METTL4: variants seen among roughly 807,000 people sequenced by gnomAD.
The protein encoded by METTL4 is N(6)-adenine-specific methyltransferase METTL4.
Under a neutral mutation model 54.0 loss-of-function variants are expected in METTL4, and 40 were observed. The ratio of observed to expected loss-of-function variants is 0.74; its 90% confidence interval spans 0.58 to 0.96. The LOEUF (loss-of-function observed/expected upper bound fraction) is 0.96. Ranked by LOEUF, METTL4 falls within the 50% of genes least tolerant of loss-of-function variation. The pLI, the probability that METTL4 is intolerant of heterozygous loss-of-function variation, is 0.00. For missense variants in METTL4, 525 were observed against 549.0 expected, an observed-to-expected ratio of 0.96 and a Z score of 0.44; for synonymous variants, 169 against 183.8, an observed-to-expected ratio of 0.92 and a Z score of 0.65.
Position 2,566,993 on chromosome 18 carries a change from T to A in METTL4, c.224A>T (p.Asp75Val), listed in dbSNP as rs1269683527. The A allele has an allele frequency of 3.7e-6, 6 of 1,614,046 alleles. No homozygotes were observed. Among genetic ancestry groups the A allele is most frequent in the Non-Finnish European group, 5.1e-6 (6 of 1,180,028 alleles). The change falls in exon 2 of 9, where the codon GAT (aspartate) becomes GTT (valine). Residue 75 changes from aspartate to valine, a missense_variant. Asp to Val is a radical substitution (Grantham distance 152). Coordinates refer to ENST00000574538, the MANE Select transcript of METTL4 (RefSeq NM_022840.5). ...TGTGAACATTTCATAATTTCCTCCA[T>A]CATCATTCTCTGGCTTAGTGGAAGA... Reference protein sequence around the residue: ...SDSSTKPENDDGGNYEMFTRK... With the variant: ...SDSSTKPENDVGGNYEMFTRK...
At chr18:2,552,629 T>C in intron 5 of METTL4, 66 bp downstream of exon 5, 2 of 989,328 alleles carry the variant, frequency 2.0e-6, no homozygotes, top group Non-Finnish European at 3.1e-6. Context: ...GTCAATAGTA[T>C]ATTAAACTAT....
chr18:2,566,026 G>A (rs1159716333), intron 2 of METTL4, among the ~76,000 whole-genome samples: 13 of 137,612 alleles, frequency 9.4e-5, no homozygotes, highest in Middle Eastern at 3.9e-3. Context: ...CAGCTTGGGT[G>A]ACAGAGCAAG....
intron 3 of METTL4, chr18:2,561,403 G>A (rs187204140): frequency 2.0e-5 from 3 of 152,140 alleles, no homozygotes; most frequent in Admixed American, 6.5e-5. Flanking sequence ...TTTACACAAC[G>A]ACAAAACAAA....
intron 2 of METTL4, 93 bp downstream of exon 2, chr18:2,566,728 T>C: frequency 9.5e-7 from 1 of 1,056,332 alleles, no homozygotes; most frequent in Non-Finnish European, 1.3e-6. Context: ...TTCTTCTTTA[T>C]ACTTAACGAA....
At chr18:2,555,173 G>A (rs2072221530) in intron 3 of METTL4, 135 bp from the exon 4 acceptor site, 1 of 954,288 alleles carries the variant, frequency 1.0e-6, no homozygotes, top group Non-Finnish European at 1.6e-6. Flanking sequence ...GTACTACAAT[G>A]AAAAGAATGT....
chr18:2,567,022 A>G lies in METTL4; in HGVS notation c.195T>C (p.Ser65=), dbSNP rs768490540. Residue 65 remains serine, a synonymous_variant, in exon 2 of 9, where the codon TCT becomes TCC. Coordinates refer to ENST00000574538, the MANE Select transcript of METTL4 (RefSeq NM_022840.5). ...CATTCTCTGGCTTAGTGGAAGAGTC[A>G]GAAGCAATAAATGCAGCACAGACTC... ...SSGVCAAFIA[S]DSSTKPENDD... 1 of 1,614,184 alleles carries G rather than the reference A, an allele frequency of 6.2e-7. No homozygotes were observed. The highest frequency in any genetic ancestry group is 1.1e-5 in the South Asian group (1 of 91,076).
chr18:2,566,094 A>G (rs888814728), intron 2 of METTL4, among the ~76,000 whole-genome samples: 1 of 149,676 alleles, frequency 6.7e-6, no homozygotes, highest in Non-Finnish European at 1.5e-5. Flanking sequence ...AATAAATAAA[A>G]TAAACAAATA....
At chr18:2,552,444 G>C (rs1242339031) in intron 5 of METTL4, among the ~76,000 whole-genome samples, 2 of 152,032 alleles carry the variant, frequency 1.3e-5, no homozygotes, top group Non-Finnish European at 2.9e-5. Context: ...GTTGTCCTTT[G>C]GTGTTAACAG....
At chr18:2,566,049 ATAAAT>A (rs201682131) in intron 2 of METTL4, among the ~76,000 whole-genome samples, 40,489 of 120,108 alleles carry the variant, frequency 0.34, 7,120 homozygotes, top group African/African-American at 0.45. Context: ...TCTGTCTCAA[ATAAAT>A]AAATAAATAA....
At chr18:2,539,848 A>T in intron 8 of METTL4, 1 of 855,384 alleles carries the variant, frequency 1.2e-6, no homozygotes, top group Non-Finnish European at 1.4e-6. Flanking sequence ...AAAACAACCC[A>T]TTTAAAAAAA....
intron 8 of METTL4, among the ~76,000 whole-genome samples, chr18:2,539,426 T>C (rs1273891748): frequency 1.3e-5 from 2 of 152,066 alleles, no homozygotes; most frequent in Admixed American, 1.3e-4. Context: ...ACTAGGTGAC[T>C]TTTCAGTTTT....
intron 6 of METTL4, among the ~76,000 whole-genome samples, chr18:2,546,309 AC>A (rs2072069428): frequency 1.3e-5 from 2 of 152,100 alleles, no homozygotes; most frequent in African/African-American, 4.8e-5. Flanking sequence ...CATTCACATA[AC>A]ATTTACAGTA....
chr18:2,558,005 G>A (rs77984357), intron 3 of METTL4, among the ~76,000 whole-genome samples: 2 of 152,260 alleles, frequency 1.3e-5, no homozygotes, highest in East Asian at 3.9e-4. Context: ...CCCAGCAAGT[G>A]AGAAATTAAT....
At position 2,555,009 on chromosome 18, in the gene METTL4, T is replaced by G. The variant is rs12606220; in HGVS notation, c.489A>C (p.Leu163Phe). Residue 163 changes from leucine to phenylalanine, a missense_variant, in exon 4 of 9, where the codon TTA (leucine) becomes TTC (phenylalanine). Coordinates refer to ENST00000574538, the MANE Select transcript of METTL4 (RefSeq NM_022840.5). ...KIRELILDGS[L>F]QLIQEGLKSG... ...TTTTGAGACCTTCCTGGATCAACTG[T>G]AAAGATCCATCCAAAATCAGCTCCC... is the stretch of plus-strand genomic sequence containing the variant. The G allele has an allele frequency of 0.051, 82,902 of 1,612,810 alleles. 3,929 individuals are homozygous for G. Among genetic ancestry groups the G allele is most frequent in the African/African-American group, 0.24 (17,643 of 74,802 alleles).
intron 6 of METTL4, among the ~76,000 whole-genome samples, chr18:2,547,126 A>G (rs1187941662): frequency 6.6e-6 from 1 of 152,204 alleles, no homozygotes; most frequent in East Asian, 1.9e-4. Context: ...GATATCTTCC[A>G]GACTGACTTC....
intron 4 of METTL4, 195 bp downstream of exon 4, chr18:2,554,474 T>A (rs935840540): frequency 3.7e-6 from 2 of 537,814 alleles, no homozygotes. Flanking sequence ...TGACTCTTTA[T>A]TCACAATATT....
At position 2,551,088 on chromosome 18, in the gene METTL4, C is replaced by T. The variant is rs560900280; in HGVS notation, c.899+1607G>A. 5.0e-3 allele frequency among the ~76,000 whole-genome samples: 701 copies of T among 140,576 alleles called. 3 individuals are homozygous for T. Among genetic ancestry groups the T allele is most frequent in the African/African-American group, 0.018 (677 of 36,908 alleles). 92.2% of individuals were successfully genotyped at this position (140,576 alleles called of 152,430 possible). ...CTGAGGCAGGAGAATGGCGTGAACCCGGGAGGCGGAGCTTGCAGTGAGCCG... is the reference window on the plus strand; with the variant it reads ...CTGAGGCAGGAGAATGGCGTGAACCTGGGAGGCGGAGCTTGCAGTGAGCCG... On this transcript the variant is annotated intron_variant, in intron 5 of 8. Transcript: ENST00000574538.
rs957515952 is a variant in METTL4 at position 2,556,275 on chromosome 18, T to C, written c.460-1237A>G. On this transcript the variant is annotated intron_variant, in intron 3 of 8. Transcript: ENST00000574538. ...AACTCACAGAACATCAGGCAGACAA[T>C]TCACAAGGGCATTGCCTCGGCAATT... Among the ~76,000 whole-genome samples, 4 of 151,550 alleles carry C rather than the reference T, an allele frequency of 2.6e-5. No individual in the cohort carries two copies. In the East Asian group the frequency reaches 7.7e-4, roughly 29 times the overall value.
chr18:2,570,214 T>C (rs1196392462), intron 1 of METTL4, among the ~76,000 whole-genome samples: 2 of 152,176 alleles, frequency 1.3e-5, no homozygotes, highest in African/African-American at 2.4e-5. Context: ...AAAAGAACCT[T>C]GAATTTGGTG....
Sources: gnomAD v4.1 joint callset for allele counts (sites outside exome capture counted in the v4.1 genomes callset) on GRCh38, gnomAD v4.1.1 for gene constraint, MANE v1.5 for transcripts, NCBI Gene and HGNC (gene_info 2026-07-23, HGNC 2026-07-21) for gene names.